Variants in LRRIQ4 observed in about 807,000 individuals in gnomAD.
LRRIQ4 encodes the protein leucine-rich repeat and IQ domain-containing protein 4.
A neutral mutation model predicts 40.1 loss-of-function variants in LRRIQ4; 21 were observed. The observed-to-expected ratio is 0.52, with a 90% CI of 0.37 to 0.75. The LOEUF (loss-of-function observed/expected upper bound fraction) is 0.75, where lower values mean the gene tolerates loss of function less well. LRRIQ4 is among the 30% of genes least tolerant of loss of function. LRRIQ4 has a pLI of 0.00. For synonymous variants in LRRIQ4, 277 were observed against 277.1 expected, an observed-to-expected ratio of 1.00 and a Z score of 0.00; for missense variants, 655 against 660.0, an observed-to-expected ratio of 0.99 and a Z score of 0.08.
At chr3:169,837,350 A>G (rs1780328591) in intron 5 of LRRIQ4, 129 bp from the exon 6 acceptor site, 12 of 1,054,088 alleles carry the variant, frequency 1.1e-5, no homozygotes, top group Non-Finnish European at 1.6e-5. Context: ...AGAAAATAAA[A>G]TTTAGAGTTC....
At position 169,832,334 on chromosome 3, in the gene LRRIQ4, G is replaced by C. The variant is rs200918529; in HGVS notation, c.1334-653G>C. 3.9e-4 allele frequency among the ~76,000 whole-genome samples: 60 copies of C among 152,044 alleles called. No homozygotes were observed. In the East Asian group the frequency reaches 6.4e-3, roughly 16 times the overall value. ...AATACAAAAATTAGCTGGGCTTGGT[G>C]GTGGGTGCCTGTAATCCCAGCTACT... On this transcript the variant is annotated intron_variant, in intron 4 of 5. Coordinates refer to ENST00000340806, the MANE Select transcript of LRRIQ4 (RefSeq NM_001080460.3).
chr3:169,826,526 T>C (rs1419289326), intron 2 of LRRIQ4, among the ~76,000 whole-genome samples: 1 of 152,220 alleles, frequency 6.6e-6, no homozygotes, highest in Non-Finnish European at 1.5e-5. Context: ...TACATCTAGA[T>C]TTCTTCTCAT....
intron 1 of LRRIQ4, among the ~76,000 whole-genome samples, chr3:169,817,549 G>A (rs1403967410): frequency 6.6e-6 from 1 of 152,090 alleles, no homozygotes; most frequent in Non-Finnish European, 1.5e-5. Flanking sequence ...AGCCATTATT[G>A]TACTGGAGTC....
Position 169,830,291 on chromosome 3 carries a change from T to C in LRRIQ4, c.1195-201T>C, listed in dbSNP as rs1276527948. On this transcript the variant is annotated intron_variant, in intron 3 of 5. Coordinates refer to ENST00000340806, the MANE Select transcript of LRRIQ4 (RefSeq NM_001080460.3). Reference sequence around the variant, plus strand: ...AAATGGAAACTAAGTCTAATGGATTTACTCAAAAATAATTTTGGGTCTTGA... The same window carrying C: ...AAATGGAAACTAAGTCTAATGGATTCACTCAAAAATAATTTTGGGTCTTGA... 1.6e-4 allele frequency among the ~76,000 whole-genome samples: 24 copies of C among 146,462 alleles called. No homozygotes were observed. The Admixed American group carries it at 1.7e-3, about 10-fold the overall frequency.
rs569546097 is a variant in LRRIQ4, at chr3:169,831,916, G to A, written c.1334-1071G>A. On this transcript the variant is annotated intron_variant, in intron 4 of 5. Transcript: ENST00000340806. ...CGGGAGGCAGAGGTTGCAGTGAGCT[G>A]AGATTGCACCACTGCACTCTAGCCT... Among the ~76,000 whole-genome samples, 5 of 151,066 alleles carry A rather than the reference G, an allele frequency of 3.3e-5. No homozygotes were observed. The East Asian group carries it at 6.0e-4, about 18-fold the overall frequency.
intron 4 of LRRIQ4, among the ~76,000 whole-genome samples, chr3:169,831,261 CTTTTTTTTTTTTTTTTTTTT>C (rs869088396): frequency 0.061 from 2,044 of 33,576 alleles, 127 homozygotes; most frequent in African/African-American, 0.2. Context: ...TATGGCTATT[CTTTTTTTTTTTTTTTTTTTT>C]TTTTTTTTTT....
chr3:169,837,406 A>C (rs1352272657), intron 5 of LRRIQ4, 73 bp from the exon 6 acceptor site: 3 of 1,474,308 alleles, frequency 2.0e-6, no homozygotes, highest in African/African-American at 1.4e-5. Context: ...ATGTATCAGA[A>C]TAAAGAGATT....
intron 1 of LRRIQ4, among the ~76,000 whole-genome samples, chr3:169,818,379 G>A (rs1021003339): frequency 3.3e-5 from 5 of 152,166 alleles, no homozygotes; most frequent in African/African-American, 1.2e-4. Context: ...TTTCTTGTGT[G>A]AATAGTTGTT....
intron 1 of LRRIQ4, among the ~76,000 whole-genome samples, chr3:169,817,642 A>G (rs758705328): frequency 2.6e-5 from 4 of 152,100 alleles, no homozygotes; most frequent in Non-Finnish European, 5.9e-5. Context: ...TATGATCGTT[A>G]TATCCTCTTG....
rs941171368 is a variant in LRRIQ4, at chr3:169,821,809, T to C, written c.-31-82T>C. ...CAAGCACTAAGTTTAATCAACTAGGTTTTAATTTTATTTTTCTTAAGGATA... is the reference window on the plus strand; with the variant it reads ...CAAGCACTAAGTTTAATCAACTAGGCTTTAATTTTATTTTTCTTAAGGATA... On this transcript the variant is annotated intron_variant, in intron 1 of 5. Transcript: ENST00000340806. The C allele has an allele frequency of 1.6e-5, 11 of 703,168 alleles. No homozygotes were observed. The African/African-American group carries it at 2.1e-4, about 13-fold the overall frequency. The allele number at this position is 703,168 out of a possible 1,614,324, so 43.6% of individuals were successfully genotyped here.
rs749604255 is a variant in LRRIQ4 at position 169,833,104 on chromosome 3, A to G, written c.1451A>G (p.Lys484Arg). Reference protein sequence around the residue: ...LMDNPMEEPPKEVCAEGNEAI... With the variant: ...LMDNPMEEPPREVCAEGNEAI... Reference sequence around the variant, plus strand: ...GACAATCCCATGGAAGAACCCCCAAAAGAAGTGTGTGCTGAAGGCAATGAG... The same window carrying G: ...GACAATCCCATGGAAGAACCCCCAAGAGAAGTGTGTGCTGAAGGCAATGAG... Residue 484 changes from lysine to arginine, a missense_variant, in exon 5 of 6, where the codon AAA becomes AGA. Coordinates refer to ENST00000340806, the MANE Select transcript of LRRIQ4 (RefSeq NM_001080460.3). 8.7e-6 allele frequency: 14 copies of G among 1,613,920 alleles called. No homozygotes were observed. Among genetic ancestry groups the G allele is most frequent in the Non-Finnish European group, 1.2e-5 (14 of 1,179,908 alleles).
At chr3:169,817,210 T>G (rs1779786795) in intron 1 of LRRIQ4, among the ~76,000 whole-genome samples, 1 of 152,236 alleles carries the variant, frequency 6.6e-6, no homozygotes, top group South Asian at 2.1e-4. Flanking sequence ...TTCAGGAGCA[T>G]GTTGTTTAAT....
intron 5 of LRRIQ4, among the ~76,000 whole-genome samples, chr3:169,833,716 C>G (rs935503436): frequency 6.6e-6 from 1 of 152,174 alleles, no homozygotes; most frequent in Non-Finnish European, 1.5e-5. Context: ...AAGTCCCCAT[C>G]ATCTCACAGC....
chr3:169,830,169 T>A (rs1780129071), intron 3 of LRRIQ4, among the ~76,000 whole-genome samples: 1 of 151,478 alleles, frequency 6.6e-6, no homozygotes, highest in African/African-American at 2.4e-5. Flanking sequence ...AAAAAAGGAG[T>A]TAATGATAAA....
intron 5 of LRRIQ4, among the ~76,000 whole-genome samples, chr3:169,833,488 A>C (rs781181386): frequency 2.4e-4 from 37 of 152,220 alleles, no homozygotes; most frequent in Non-Finnish European, 2.9e-5. Flanking sequence ...GGAATGAAAA[A>C]AGTTTGTATT....
chr3:169,832,207 C>A (rs1396186342), intron 4 of LRRIQ4, among the ~76,000 whole-genome samples: 1 of 152,038 alleles, frequency 6.6e-6, no homozygotes, highest in Non-Finnish European at 1.5e-5. Context: ...CGGTGGCTCA[C>A]GCCTGTAATT....
rs146610174 is a variant in LRRIQ4 at position 169,826,662 on chromosome 3, T to TA, written c.1021-2095dup. Among the ~76,000 whole-genome samples, 514 of 152,316 alleles carry TA rather than the reference T, an allele frequency of 3.4e-3. 4 individuals carry two copies. Among genetic ancestry groups the TA allele is most frequent in the African/African-American group, 0.012 (504 of 41,582 alleles). On this transcript the variant is annotated intron_variant, in intron 2 of 5. Coordinates refer to ENST00000340806, the MANE Select transcript of LRRIQ4 (RefSeq NM_001080460.3). ...CTTTTATGAGTTAAGTGAACAGCAA[T>TA]AAGAATGAAATTTCTAGGTTATAAT...
In LRRIQ4 at chr3:169,818,134, A is replaced by C. The variant is rs549364949; in HGVS notation, c.-31-3757A>C. On this transcript the variant is annotated intron_variant, in intron 1 of 5. Transcript: ENST00000340806. ...TGAATTCTACCCGATGTTGCTTTCC[A>C]CTGTGACAGGCAGCACTGAAGTCCA... Among the ~76,000 whole-genome samples the C allele has an allele frequency of 7.2e-5, 11 of 152,142 alleles. No homozygotes were observed. In the East Asian group the frequency reaches 2.1e-3, roughly 29 times the overall value.
At chr3:169,823,209 G>A (rs943934172) in intron 2 of LRRIQ4, among the ~76,000 whole-genome samples, 8 of 152,060 alleles carry the variant, frequency 5.3e-5, no homozygotes, top group African/African-American at 1.7e-4. Flanking sequence ...ACCTCACAAC[G>A]ACTGTGTCCT....
Sources: gnomAD v4.1 joint callset for allele counts (sites outside exome capture counted in the v4.1 genomes callset) on GRCh38, gnomAD v4.1.1 for gene constraint, MANE v1.5 for transcripts, NCBI Gene and HGNC (gene_info 2026-07-23, HGNC 2026-07-21) for gene names.